The following AFAP1L2 variants were observed in gnomAD, a reference collection of about 807,000 sequenced individuals.
The protein encoded by AFAP1L2 is actin filament associated protein 1 like 2.
Under a neutral mutation model 99.3 loss-of-function variants are expected in AFAP1L2, and 46 were observed. The ratio of observed to expected loss-of-function variants is 0.46; its 90% CI spans 0.37 to 0.59. The LOEUF (loss-of-function observed/expected upper bound fraction) is 0.59. Among genes scored for constraint, AFAP1L2 ranks in the 20% least tolerant of loss-of-function variants. The probability of loss-of-function intolerance (pLI) is 0.00; values close to 1 mark genes in which losing one functional copy is unlikely to be tolerated. For missense variants in AFAP1L2, 959 were observed against 1,034.9 expected, an observed-to-expected ratio of 0.93 and a Z score of 1.01; for synonymous variants, 397 against 419.1, an observed-to-expected ratio of 0.95 and a Z score of 0.64.
chr10:114,374,934 A>G (rs1331117667), intron 1 of AFAP1L2, among the ~76,000 whole-genome samples: 1 of 152,136 alleles, frequency 6.6e-6, no homozygotes, highest in Admixed American at 6.5e-5. Context: ...GTTTGTCATT[A>G]GACCAGACAT....
At chr10:114,388,240 T>C (rs1434088183) in intron 1 of AFAP1L2, among the ~76,000 whole-genome samples, 1 of 151,920 alleles carries the variant, frequency 6.6e-6, no homozygotes, top group East Asian at 1.9e-4. Flanking sequence ...CCATTTCATC[T>C]CTCTCTACAT....
chr10:114,382,377 C>T (rs537915312), intron 1 of AFAP1L2, among the ~76,000 whole-genome samples: 1 of 152,180 alleles, frequency 6.6e-6, no homozygotes, highest in African/African-American at 2.4e-5. Flanking sequence ...AGAAGGTCCA[C>T]CCTCACTTAC....
chr10:114,338,938 CAA>C (rs1447239268), intron 2 of AFAP1L2, among the ~76,000 whole-genome samples: 2 of 152,186 alleles, frequency 1.3e-5, no homozygotes, highest in South Asian at 2.1e-4. Context: ...CTGTAATTTA[CAA>C]AGTCTTCCAA....
intron 1 of AFAP1L2, among the ~76,000 whole-genome samples, chr10:114,376,679 G>A (rs2054844351): frequency 6.6e-6 from 1 of 152,124 alleles, no homozygotes; most frequent in African/African-American, 2.4e-5. Flanking sequence ...ATGATCACAA[G>A]GGCTGATACA....
intron 1 of AFAP1L2, among the ~76,000 whole-genome samples, chr10:114,354,284 G>A (rs958883316): frequency 1.3e-5 from 2 of 152,180 alleles, no homozygotes; most frequent in South Asian, 2.1e-4. Context: ...GTTCTGAATG[G>A]CTGTCAAGCT....
intron 15 of AFAP1L2, 144 bp from the exon 16 acceptor site, chr10:114,299,559 T>C (rs1205628436): frequency 1.6e-5 from 14 of 895,912 alleles, no homozygotes. Context: ...CAGGTCCCTC[T>C]ACCTCTCTGA....
At chr10:114,288,884 G>A in the AFAP1L2 span, 25 of 1,550,390 alleles carry the variant, frequency 1.6e-5, no homozygotes, top group Middle Eastern at 2.0e-4. Context: ...GGGTCCCGTC[G>A]AGGGGCTCTG....
chr10:114,339,303 C>T (rs1323636068), intron 2 of AFAP1L2, among the ~76,000 whole-genome samples: 1 of 152,140 alleles, frequency 6.6e-6, no homozygotes, highest in Admixed American at 6.6e-5. Flanking sequence ...AAAAATTAGC[C>T]GGGCGCAGTG....
At chr10:114,368,556 C>G (rs2053613049) in intron 1 of AFAP1L2, among the ~76,000 whole-genome samples, 1 of 151,932 alleles carries the variant, frequency 6.6e-6, no homozygotes, top group Non-Finnish European at 1.5e-5. Flanking sequence ...GTAGATGGGA[C>G]TACAGGTGCC....
At chr10:114,339,789 G>A (rs901512718) in intron 2 of AFAP1L2, among the ~76,000 whole-genome samples, 2 of 149,648 alleles carry the variant, frequency 1.3e-5, no homozygotes, top group Admixed American at 1.3e-4. Flanking sequence ...TGAGGTGGAT[G>A]GATCACCTGA....
At chr10:114,367,504 C>G (rs1405142448) in intron 1 of AFAP1L2, among the ~76,000 whole-genome samples, 1 of 152,074 alleles carries the variant, frequency 6.6e-6, no homozygotes, top group Non-Finnish European at 1.5e-5. Flanking sequence ...AGGATGTGGT[C>G]GTGGGCAAGA....
chr10:114,339,019 TAAC>T (rs1435825960), intron 2 of AFAP1L2, among the ~76,000 whole-genome samples: 3 of 152,198 alleles, frequency 2.0e-5, no homozygotes, highest in African/African-American at 7.2e-5. Context: ...TCCCCCTCTA[TAAC>T]AACAGCACCA....
intron 1 of AFAP1L2, among the ~76,000 whole-genome samples, chr10:114,403,813 C>A (rs2058455339): frequency 6.6e-6 from 1 of 152,236 alleles, no homozygotes; most frequent in Admixed American, 6.5e-5. Flanking sequence ...TCCAGGAGCT[C>A]CACCTGCCGG....
Position 114,295,871 on chromosome 10 carries a change from C to T in AFAP1L2, c.*171G>A. ...CTTTTTGTTGTATTATTTCCTTTGG[C>T]TCTGAAAAGGGACAGAGCCTCCTCT... On this transcript the variant is annotated 3_prime_UTR_variant, in exon 19 of 19. Transcript: ENST00000304129. The T allele has an allele frequency of 6.8e-7, 1 of 1,470,068 alleles. No homozygotes were observed. The highest frequency in any genetic ancestry group is 9.0e-7 in the Non-Finnish European group (1 of 1,111,858). 91.1% of individuals were successfully genotyped at this position (1,470,068 alleles called of 1,614,324 possible).
chr10:114,360,212 C>G (rs1413107301), intron 1 of AFAP1L2, among the ~76,000 whole-genome samples: 1 of 152,154 alleles, frequency 6.6e-6, no homozygotes, highest in Admixed American at 6.5e-5. Context: ...TCCTGCCTGT[C>G]GGTCTGAGCT....
At chr10:114,298,962 G>A (rs1166629824) in intron 16 of AFAP1L2, among the ~76,000 whole-genome samples, 6 of 152,228 alleles carry the variant, frequency 3.9e-5, no homozygotes, top group Non-Finnish European at 5.9e-5. Flanking sequence ...ATGCATTTAA[G>A]TGACAATAAA....
chr10:114,331,677 C>T, intron 4 of AFAP1L2, 126 bp downstream of exon 4: 1 of 630,848 alleles, frequency 1.6e-6, no homozygotes. Flanking sequence ...CGTGCCTTGT[C>T]CCAGTCCCTG....
chr10:114,286,106 AGGGAG>A, the AFAP1L2 span: 1 of 1,614,142 alleles, frequency 6.2e-7, no homozygotes, highest in Non-Finnish European at 8.5e-7. Context: ...CACATACAGC[AGGGAG>A]CTGCTGGTGG....
chr10:114,327,313 T>G (rs1274389312), intron 4 of AFAP1L2, among the ~76,000 whole-genome samples: 1 of 150,322 alleles, frequency 6.7e-6, no homozygotes, highest in African/African-American at 2.4e-5. Context: ...CCACCACGCT[T>G]GGCTAATTTT....
Sources: allele counts gnomAD v4.1 joint callset (sites outside exome capture counted in the v4.1 genomes callset), GRCh38; gene constraint gnomAD v4.1.1; transcripts MANE v1.5; gene names NCBI Gene and HGNC (gene_info 2026-07-23, HGNC 2026-07-21).